RBL1: variants seen among roughly 807,000 people sequenced by gnomAD.
The protein encoded by RBL1 is retinoblastoma-like protein 1.
RBL1 carries 82 observed loss-of-function variants against 123.0 expected under a neutral mutation model. The observed-to-expected ratio is 0.67, with a 90% confidence interval of 0.56 to 0.80. The LOEUF is 0.80. Among genes scored for constraint, RBL1 ranks in the 30% least tolerant of loss-of-function variants. The pLI, the probability that RBL1 is intolerant of heterozygous loss-of-function variation, is 0.00. For synonymous variants in RBL1, 405 were observed against 441.3 expected (o/e 0.92, Z 1.03); for missense variants, 1,171 against 1,299.6 (o/e 0.90, Z 1.52).
chr20:37,062,126 T>C lies in RBL1; in HGVS notation c.1041A>G (p.Ala347=), dbSNP rs780360220. The C allele has an allele frequency of 4.0e-5, 65 of 1,614,074 alleles. 1 individual carries two copies. The Admixed American group carries it at 9.0e-4, about 22-fold the overall frequency. ...TRDTPLGKLT[A]QANVEYNLQQ... is the part of the protein sequence containing the mutation. ...GAAGGTTATACTCCACATTAGCCTG[T>C]GCTGTCAGTTTCCCTAATGGGGTGT... The change falls in exon 8 of 22, where the codon GCA becomes GCG. Residue 347 remains alanine, a synonymous_variant. Coordinates refer to ENST00000373664, the MANE Select transcript of RBL1 (RefSeq NM_002895.5).
chr20:37,011,928 C>G (rs1450324930), intron 19 of RBL1, among the ~76,000 whole-genome samples: 3 of 152,224 alleles, frequency 2.0e-5, no homozygotes, highest in African/African-American at 2.4e-5. Flanking sequence ...GATGCCGAGC[C>G]GAAGCTGGAC....
At chr20:37,026,133 T>C (rs919906694) in intron 16 of RBL1, among the ~76,000 whole-genome samples, 2 of 152,172 alleles carry the variant, frequency 1.3e-5, no homozygotes, top group Non-Finnish European at 2.9e-5. Context: ...TTGTTTAAGC[T>C]ACTATTATTT....
intron 11 of RBL1, among the ~76,000 whole-genome samples, chr20:37,048,358 C>T (rs1287798572): frequency 6.6e-6 from 1 of 152,130 alleles, no homozygotes; most frequent in Non-Finnish European, 1.5e-5. Flanking sequence ...CAGGATTATT[C>T]TCTAGAGAAA....
intron 1 of RBL1, among the ~76,000 whole-genome samples, chr20:37,093,660 T>C (rs1227577665): frequency 6.6e-5 from 10 of 151,834 alleles, no homozygotes; most frequent in Admixed American, 5.9e-4. Flanking sequence ...TTTTTTTTTT[T>C]TGAGATGGAG....
At chr20:37,085,134 T>TC (rs201847022) in intron 2 of RBL1, among the ~76,000 whole-genome samples, 3 of 140,426 alleles carry the variant, frequency 2.1e-5, no homozygotes, top group Non-Finnish European at 4.6e-5. Context: ...TTTCTTTTCT[T>TC]TTTTTTTTTT....
chr20:37,090,916 A>G (rs2065636041), intron 1 of RBL1, among the ~76,000 whole-genome samples: 1 of 152,196 alleles, frequency 6.6e-6, no homozygotes, highest in Non-Finnish European at 1.5e-5. Flanking sequence ...ACGGCTCTTT[A>G]TATTAGTAGA....
intron 19 of RBL1, among the ~76,000 whole-genome samples, chr20:37,017,900 G>A (rs936835662): frequency 1.3e-5 from 2 of 152,056 alleles, no homozygotes; most frequent in Admixed American, 1.3e-4. Context: ...CTCCCAAAGT[G>A]CTGGAATTAC....
At chr20:37,067,707 T>C (rs566942444) in intron 3 of RBL1, among the ~76,000 whole-genome samples, 13 of 140,448 alleles carry the variant, frequency 9.3e-5, no homozygotes, top group Admixed American at 7.8e-4. Context: ...GAGACAGAGG[T>C]TGCAGTGAGC....
intron 2 of RBL1, among the ~76,000 whole-genome samples, chr20:37,082,762 G>A (rs1035848551): frequency 6.6e-6 from 1 of 151,802 alleles, no homozygotes; most frequent in Admixed American, 6.6e-5. Flanking sequence ...TTTGGGAGGC[G>A]AAGATGGGTG....
At chr20:37,087,514 G>A (rs2065568265) in intron 2 of RBL1, among the ~76,000 whole-genome samples, 1 of 152,162 alleles carries the variant, frequency 6.6e-6, no homozygotes, top group African/African-American at 2.4e-5. Flanking sequence ...TTGAGCTGAG[G>A]AGTTTGAGGC....
intron 15 of RBL1, among the ~76,000 whole-genome samples, chr20:37,035,036 G>C (rs1347136945): frequency 6.6e-6 from 1 of 151,990 alleles, no homozygotes; most frequent in Non-Finnish European, 1.5e-5. Flanking sequence ...GGTTGGGGAA[G>C]GGGGACTATG....
chr20:37,038,507 G>T (rs2064666929), intron 14 of RBL1, among the ~76,000 whole-genome samples: 1 of 147,522 alleles, frequency 6.8e-6, no homozygotes, highest in African/African-American at 2.5e-5. Context: ...CTCCATCTTG[G>T]CCAGGCTGGT....
At chr20:37,085,956 T>C (rs1322574426) in intron 2 of RBL1, among the ~76,000 whole-genome samples, 1 of 151,990 alleles carries the variant, frequency 6.6e-6, no homozygotes, top group Non-Finnish European at 1.5e-5. Context: ...GCCTTGTTTT[T>C]TTAATTTGAA....
chr20:37,079,541 A>C (rs895123764), intron 2 of RBL1, among the ~76,000 whole-genome samples: 13 of 143,674 alleles, frequency 9.0e-5, no homozygotes, highest in Non-Finnish European at 1.8e-4. Flanking sequence ...ATCATAGCTC[A>C]CTATAGTCTG....
At chr20:37,021,448 CTT>C (rs879272660) in intron 17 of RBL1, among the ~76,000 whole-genome samples, 19 of 143,046 alleles carry the variant, frequency 1.3e-4, no homozygotes, top group Non-Finnish European at 1.4e-4. Flanking sequence ...TTTTTTAATT[CTT>C]TTTTTTTTTT....
chr20:37,060,413 T>C (rs2065075429), intron 9 of RBL1, among the ~76,000 whole-genome samples: 2 of 152,020 alleles, frequency 1.3e-5, no homozygotes, highest in Admixed American at 1.3e-4. Context: ...GAAATATCAG[T>C]GCTAAATAAT....
intron 19 of RBL1, among the ~76,000 whole-genome samples, chr20:37,007,945 TA>T (rs112978918): frequency 5.3e-5 from 8 of 151,978 alleles, no homozygotes; most frequent in African/African-American, 9.7e-5. Flanking sequence ...TCTACAATAT[TA>T]AAAAAAACCC....
intron 2 of RBL1, among the ~76,000 whole-genome samples, chr20:37,085,647 ATTTTTTTTTTTT>A (rs1202673380): frequency 7.1e-5 from 6 of 84,606 alleles, no homozygotes; most frequent in African/African-American, 2.4e-4. Context: ...TTGAAATTTG[ATTTTTTTTTTTT>A]TTTTTTTTTT....
chr20:37,049,215 CAAAAAACA>C, intron 11 of RBL1: 39 of 412,160 alleles, frequency 9.5e-5, no homozygotes, highest in South Asian at 1.2e-4. Flanking sequence ...AAACAAAAAA[CAAAAAACA>C]AAAAAAAATT....
Sources: allele counts gnomAD v4.1 joint callset (sites outside exome capture counted in the v4.1 genomes callset), GRCh38; gene constraint gnomAD v4.1.1; transcripts MANE v1.5; gene names NCBI Gene and HGNC (gene_info 2026-07-23, HGNC 2026-07-21).